Variants in PVT1 observed in about 807,000 individuals in gnomAD.
The protein encoded by PVT1 is Pvt1 oncogene.
chr8:128,082,399 T>C (rs1004481038), intron 5 of PVT1, among the ~76,000 whole-genome samples: 18 of 152,238 alleles, frequency 1.2e-4, no homozygotes, highest in Admixed American at 1.3e-4. Context: ...ATTCGTATTC[T>C]GGAGCTGCCA....
intron 2 of PVT1, among the ~76,000 whole-genome samples, chr8:127,889,216 G>A (rs765724129): frequency 4.6e-5 from 7 of 150,974 alleles, no homozygotes; most frequent in African/African-American, 4.9e-5. Context: ...TGCAACCTCC[G>A]TCTCCTTGGT....
At chr8:127,929,910 G>T (rs888342758) in intron 3 of PVT1, among the ~76,000 whole-genome samples, 2 of 152,220 alleles carry the variant, frequency 1.3e-5, no homozygotes, top group Non-Finnish European at 2.9e-5. Flanking sequence ...GGCTGGGAGC[G>T]TTAGATGTTA....
intron 2 of PVT1, among the ~76,000 whole-genome samples, chr8:127,825,887 GT>G (rs145861869): frequency 0.034 from 5,162 of 151,994 alleles, 98 homozygotes; most frequent in Middle Eastern, 0.037. Flanking sequence ...GTCTTACTCT[GT>G]TGCCCAAGCT....
intron 3 of PVT1, among the ~76,000 whole-genome samples, chr8:127,962,855 C>T (rs1358932036): frequency 6.6e-6 from 1 of 152,150 alleles, no homozygotes; most frequent in Non-Finnish European, 1.5e-5. Context: ...CTCGGCCTCC[C>T]AAAGTGCTGG....
At chr8:127,855,870 C>G (rs1416719647) in intron 2 of PVT1, among the ~76,000 whole-genome samples, 4 of 152,224 alleles carry the variant, frequency 2.6e-5, no homozygotes, top group Admixed American at 2.6e-4. Flanking sequence ...GTGGGGGCCC[C>G]ACACCTGTGC....
intron 2 of PVT1, among the ~76,000 whole-genome samples, chr8:127,872,406 C>T (rs1815360752): frequency 6.6e-6 from 1 of 152,104 alleles, no homozygotes; most frequent in African/African-American, 2.4e-5. Flanking sequence ...GAGAGAGTAT[C>T]CGTCTCAAAT....
chr8:127,978,249 T>G (rs1816842859), intron 3 of PVT1, among the ~76,000 whole-genome samples: 1 of 151,692 alleles, frequency 6.6e-6, no homozygotes, highest in Non-Finnish European at 1.5e-5. Flanking sequence ...ATTCCTGGGC[T>G]CAAGCAATCC....
intron 2 of PVT1, among the ~76,000 whole-genome samples, chr8:127,836,419 C>T (rs1410444525): frequency 6.6e-6 from 1 of 152,152 alleles, no homozygotes; most frequent in Non-Finnish European, 1.5e-5. Flanking sequence ...TTATTAAGCC[C>T]AGCATGCATT....
chr8:127,974,591 T>C (rs992291746), intron 3 of PVT1, among the ~76,000 whole-genome samples: 1 of 150,832 alleles, frequency 6.6e-6, no homozygotes, highest in African/African-American at 2.5e-5. Context: ...ACTTTTGTAT[T>C]TTTTAGTAGA....
intron 3 of PVT1, among the ~76,000 whole-genome samples, chr8:127,984,809 T>C (rs1168548488): frequency 6.6e-6 from 1 of 150,812 alleles, no homozygotes; most frequent in Non-Finnish European, 1.5e-5. Context: ...GGTCTCGCCA[T>C]GTTGGCCAGG....
At chr8:127,930,012 T>TC (rs879842191) in intron 3 of PVT1, among the ~76,000 whole-genome samples, 5 of 152,162 alleles carry the variant, frequency 3.3e-5, no homozygotes, top group Non-Finnish European at 5.9e-5. Flanking sequence ...ATGGAAGTAC[T>TC]CTGTAGTGAT....
intron 4 of PVT1, among the ~76,000 whole-genome samples, chr8:128,018,898 A>G (rs1401733219): frequency 6.6e-6 from 1 of 152,166 alleles, no homozygotes; most frequent in Non-Finnish European, 1.5e-5. Flanking sequence ...GTTCCTTGAT[A>G]ATCCTAGTAT....
chr8:127,961,480 G>T (rs1333915952), intron 3 of PVT1, among the ~76,000 whole-genome samples: 2 of 152,226 alleles, frequency 1.3e-5, no homozygotes, highest in Non-Finnish European at 2.9e-5. Context: ...AAATGCGGAG[G>T]TGATGGGGAT....
rs1158760672 is a variant in PVT1, at chr8:127,809,029, CAA to C, written n.372+12983_372+12984del. 7.1e-4 allele frequency among the ~76,000 whole-genome samples: 20 copies of C among 28,282 alleles called. No individual in the cohort carries two copies. In the South Asian group the frequency reaches 8.8e-3, roughly 12 times the overall value. 18.6% of individuals were successfully genotyped at this position (28,282 alleles called of 152,430 possible). A position where few individuals can be genotyped will look rare whatever the true frequency, so the allele number is the denominator to read the frequency against. On this transcript the variant is annotated intron_variant and non_coding_transcript_variant, in intron 2 of 10. Coordinates refer to ENST00000651587, the Ensembl canonical transcript of PVT1. ...TGGGCAACAAAGTGAGATTCCATCT[CAA>C]AAAAAAAAAAAAAAAAAAAAAAAAG...
intron 2 of PVT1, among the ~76,000 whole-genome samples, chr8:127,798,912 A>T (rs377594835): frequency 1.3e-5 from 2 of 152,182 alleles, no homozygotes; most frequent in Admixed American, 1.3e-4. Context: ...TGCAAAATCT[A>T]TAATCATTTG....
At chr8:127,977,827 A>G (rs1816838318) in intron 3 of PVT1, among the ~76,000 whole-genome samples, 1 of 152,180 alleles carries the variant, frequency 6.6e-6, no homozygotes, top group African/African-American at 2.4e-5. Context: ...TCTTATCACT[A>G]TAGGATTAAG....
intron 2 of PVT1, among the ~76,000 whole-genome samples, chr8:127,876,784 G>C (rs563678252): frequency 6.6e-6 from 1 of 152,288 alleles, no homozygotes; most frequent in South Asian, 2.1e-4. Flanking sequence ...GAGCAGAGCC[G>C]ATGTGCCTGC....
chr8:127,958,688 T>C (rs1816600692), intron 3 of PVT1, among the ~76,000 whole-genome samples: 1 of 152,150 alleles, frequency 6.6e-6, no homozygotes, highest in African/African-American at 2.4e-5. Context: ...TGATTTAGGA[T>C]TCCAAGTCCA....
At chr8:127,872,941 C>T (rs527957653) in intron 2 of PVT1, among the ~76,000 whole-genome samples, 3 of 152,354 alleles carry the variant, frequency 2.0e-5, no homozygotes, top group South Asian at 4.1e-4. Flanking sequence ...AGCAAAGTGA[C>T]GGGACAGCCC....
Sources: gnomAD v4.1 joint callset for allele counts (sites outside exome capture counted in the v4.1 genomes callset) on GRCh38, gnomAD v4.1.1 for gene constraint, MANE v1.5 for transcripts, NCBI Gene and HGNC (gene_info 2026-07-23, HGNC 2026-07-21) for gene names.